The following DAB1 variants were observed in gnomAD, a reference collection of about 807,000 sequenced individuals.
DAB1 encodes the protein disabled homolog 1.
In DAB1, 15 loss-of-function variants were observed where a neutral mutation model predicts 64.6. The ratio of observed to expected loss-of-function variants is 0.23; its 90% CI spans 0.16 to 0.36. DAB1 has a LOEUF of 0.36. DAB1 is among the 10% of genes least tolerant of loss of function. DAB1 has a pLI of 1.00. For missense variants in DAB1, 596 were observed against 706.7 expected (o/e 0.84, Z 1.78); for synonymous variants, 235 against 251.9 (o/e 0.93, Z 0.64).
intron 1 of DAB1, among the ~76,000 whole-genome samples, chr1:57,314,614 C>CT (rs1675031048): frequency 6.6e-6 from 1 of 152,108 alleles, no homozygotes; most frequent in African/African-American, 2.4e-5. Flanking sequence ...TAAGGATGCT[C>CT]TTTAAAAATA....
At chr1:58,366,688 T>C (rs1644220583) in intron 3 of DAB1, among the ~76,000 whole-genome samples, 1 of 152,208 alleles carries the variant, frequency 6.6e-6, no homozygotes, top group Non-Finnish European at 1.5e-5. Flanking sequence ...GAGCAACTTT[T>C]TTGCCAGGAG....
chr1:58,174,896 C>G (rs1015834466), intron 4 of DAB1, among the ~76,000 whole-genome samples: 1 of 152,104 alleles, frequency 6.6e-6, no homozygotes, highest in South Asian at 2.1e-4. Flanking sequence ...TGTAAATGCA[C>G]CAATCAGCAC....
intron 9 of DAB1, among the ~76,000 whole-genome samples, chr1:57,031,173 T>C (rs988171932): frequency 4.6e-5 from 7 of 152,218 alleles, no homozygotes; most frequent in Non-Finnish European, 1.0e-4. Context: ...TTTCATTCCA[T>C]TGGTTTGCTG....
At chr1:58,431,702 C>T (rs1432209343) in intron 3 of DAB1, among the ~76,000 whole-genome samples, 1 of 152,022 alleles carries the variant, frequency 6.6e-6, no homozygotes, top group African/African-American at 2.4e-5. Context: ...AGTATCTATG[C>T]TGTTGTTTAA....
intron 7 of DAB1, among the ~76,000 whole-genome samples, chr1:57,443,297 T>C (rs1049509457): frequency 1.3e-5 from 2 of 152,126 alleles, no homozygotes; most frequent in African/African-American, 4.8e-5. Flanking sequence ...ATTGAGATAG[T>C]ATTATGACCA....
chr1:58,114,449 A>G (rs903517329), intron 5 of DAB1, among the ~76,000 whole-genome samples: 2 of 152,252 alleles, frequency 1.3e-5, no homozygotes, highest in African/African-American at 4.8e-5. Context: ...ATAGGTAGAC[A>G]TAACCAACCC....
chr1:58,003,915 C>A (rs1158404847), intron 5 of DAB1, among the ~76,000 whole-genome samples: 2 of 152,200 alleles, frequency 1.3e-5, no homozygotes, highest in Admixed American at 6.5e-5. Flanking sequence ...TCCTCAGCCA[C>A]CCCCAGCCGA....
At chr1:57,914,797 T>C (rs1200701155) in intron 5 of DAB1, among the ~76,000 whole-genome samples, 1 of 152,198 alleles carries the variant, frequency 6.6e-6, no homozygotes, top group African/African-American at 2.4e-5. Flanking sequence ...AACATTATAT[T>C]GAGCCTGACA....
chr1:57,996,189 G>T (rs1646422800), intron 5 of DAB1, among the ~76,000 whole-genome samples: 1 of 152,138 alleles, frequency 6.6e-6, no homozygotes, highest in Non-Finnish European at 1.5e-5. Flanking sequence ...AACCCGGGAG[G>T]CAGAGGAGGC....
chr1:57,869,822 A>G (rs2101954830), intron 1 of DAB1, among the ~76,000 whole-genome samples: 1 of 152,224 alleles, frequency 6.6e-6, no homozygotes, highest in Non-Finnish European at 1.5e-5. Flanking sequence ...AATGCTCTTG[A>G]TTATATTTAC....
At chr1:58,119,769 C>A (rs115221514) in intron 5 of DAB1, among the ~76,000 whole-genome samples, 13 of 152,130 alleles carry the variant, frequency 8.5e-5, no homozygotes, top group African/African-American at 2.4e-4. Context: ...GGGGCAGCCA[C>A]GTTTCCAGTC....
chr1:57,807,838 A>T (rs1193707872), intron 6 of DAB1, among the ~76,000 whole-genome samples: 1 of 152,146 alleles, frequency 6.6e-6, no homozygotes, highest in African/African-American at 2.4e-5. Context: ...GAAGATGATT[A>T]GGATGCAGAT....
intron 5 of DAB1, among the ~76,000 whole-genome samples, chr1:58,000,041 G>A (rs749484612): frequency 6.6e-5 from 10 of 151,604 alleles, no homozygotes; most frequent in Admixed American, 3.3e-4. Flanking sequence ...AGGGAGGAAA[G>A]GAGTGAGAAA....
At position 57,612,713 on chromosome 1, in the gene DAB1, T is replaced by C. The variant is rs371357131; in HGVS notation, n.625+36879A>G. On this transcript the variant is annotated intron_variant and non_coding_transcript_variant, in intron 7 of 20. Transcript: ENST00000485760. Reference sequence around the variant, plus strand: ...ACTTCTGATTTCCAGAACCTTAAAATAATAAATTCACATTGTTTTGAGCTA... The same window carrying C: ...ACTTCTGATTTCCAGAACCTTAAAACAATAAATTCACATTGTTTTGAGCTA... 7.2e-5 allele frequency among the ~76,000 whole-genome samples: 11 copies of C among 152,324 alleles called. No homozygotes were observed. In the South Asian group the frequency reaches 1.9e-3, roughly 26 times the overall value.
At chr1:58,538,861 G>A (rs146607426) in intron 1 of DAB1, 4 of 871,798 alleles carry the variant, frequency 4.6e-6, no homozygotes, top group Non-Finnish European at 8.0e-6. Context: ...AGGAACCGGA[G>A]CAGCTTGAAA....
At chr1:57,897,950 G>A (rs755399889) in intron 5 of DAB1, among the ~76,000 whole-genome samples, 2 of 152,088 alleles carry the variant, frequency 1.3e-5, no homozygotes, top group Non-Finnish European at 2.9e-5. Flanking sequence ...CAGATGTTTC[G>A]GTCCCCATGA....
intron 12 of DAB1, among the ~76,000 whole-genome samples, 176 bp from the exon 13 acceptor site, chr1:57,011,448 C>T (rs1257178518): frequency 6.6e-6 from 1 of 152,200 alleles, no homozygotes; most frequent in African/African-American, 2.4e-5. Flanking sequence ...GATCTTTCCT[C>T]TCACACATCT....
At chr1:57,561,352 C>A (rs1380690820) in intron 7 of DAB1, among the ~76,000 whole-genome samples, 1 of 152,166 alleles carries the variant, frequency 6.6e-6, no homozygotes, top group African/African-American at 2.4e-5. Flanking sequence ...TTGAGCAGTG[C>A]ACCTGGTTGT....
At chr1:57,648,149 A>G (rs181736367) in intron 7 of DAB1, among the ~76,000 whole-genome samples, 53 of 152,300 alleles carry the variant, frequency 3.5e-4, no homozygotes, top group African/African-American at 1.1e-3. Flanking sequence ...AGGCAATAAT[A>G]AAAGATCAAA....
Sources: gnomAD v4.1 joint callset for allele counts (sites outside exome capture counted in the v4.1 genomes callset) on GRCh38, gnomAD v4.1.1 for gene constraint, MANE v1.5 for transcripts, NCBI Gene and HGNC (gene_info 2026-07-23, HGNC 2026-07-21) for gene names.